ATM: variants seen among roughly 807,000 people sequenced by gnomAD.
ATM encodes the protein serine-protein kinase ATM.
ATM carries 308 observed loss-of-function variants against 387.0 expected under a neutral mutation model. That is an observed-to-expected ratio of 0.80 (90% CI 0.73 to 0.87). The LOEUF is 0.87. Among genes scored for constraint, ATM ranks in the 40% least tolerant of loss-of-function variants. ATM has a pLI of 0.00. For missense variants in ATM, 3,312 were observed against 3,560.9 expected (o/e 0.93, Z 1.78); for synonymous variants, 1,156 against 1,187.3 (o/e 0.97, Z 0.54).
At chr11:108,267,674 T>C (rs1002208992) in intron 17 of ATM, among the ~76,000 whole-genome samples, 5 of 152,002 alleles carry the variant, frequency 3.3e-5, no homozygotes, top group South Asian at 2.1e-4. Context: ...CTGGCTAACG[T>C]GGTGAAACCC....
At chr11:108,266,997 T>C (rs143531345) in intron 16 of ATM, among the ~76,000 whole-genome samples, 174 bp from the exon 17 acceptor site, 21 of 152,158 alleles carry the variant, frequency 1.4e-4, no homozygotes, top group African/African-American at 4.1e-4. Flanking sequence ...GGTTTCACCA[T>C]GTTGGCCAGG....
intron 26 of ATM, among the ~76,000 whole-genome samples, chr11:108,286,190 G>A (rs556676098): frequency 6.6e-6 from 1 of 151,956 alleles, no homozygotes; most frequent in East Asian, 1.9e-4. Context: ...GTGTGTGCCT[G>A]TAATCCCAGC....
At chr11:108,353,097 T>C (rs143991420) in intron 59 of ATM, among the ~76,000 whole-genome samples, 10 of 152,316 alleles carry the variant, frequency 6.6e-5, no homozygotes, top group Non-Finnish European at 1.0e-4. Context: ...GATGATCTTT[T>C]CTGTATGATT....
chr11:108,352,664 T>C (rs227040), intron 59 of ATM, among the ~76,000 whole-genome samples: 82,088 of 152,036 alleles, frequency 0.54, 22,696 homozygotes, highest in Middle Eastern at 0.75. Flanking sequence ...ATCCAGATGT[T>C]CTACAGTGGG....
rs756899044 is a variant in ATM, at chr11:108,353,831, G to T, written c.8737G>T (p.Asp2913Tyr). The T allele has an allele frequency of 1.1e-5, 17 of 1,614,094 alleles. No individual in the cohort carries two copies. The highest frequency in any genetic ancestry group is 1.4e-5 in the Non-Finnish European group (17 of 1,180,000). The change falls in exon 60 of 63, where the codon GAT (aspartate) becomes TAT (tyrosine). Residue 2913 changes from aspartate (D) to tyrosine (Y), a missense_variant. Asp to Tyr is a radical substitution (Grantham distance 160). Transcript: ENST00000675843. ...GACAGTTCCTTTTAGACTCACCAGA[G>T]ATATTGTGGATGGCATGGGCATTAC... ...PETVPFRLTR[D>Y]IVDGMGITGV...
chr11:108,301,832 A>G, intron 35 of ATM, 43 bp downstream of exon 35: 1 of 1,601,386 alleles, frequency 6.2e-7, no homozygotes, highest in Middle Eastern at 1.7e-4. Context: ...CAGCATATCT[A>G]AAACAGTTCT....
intron 31 of ATM, among the ~76,000 whole-genome samples, chr11:108,293,843 A>G (rs975855878): frequency 4.1e-5 from 6 of 145,914 alleles, no homozygotes; most frequent in African/African-American, 1.3e-4. Context: ...GCTCCACTGC[A>G]TTCCAGCCTG....
At chr11:108,293,762 C>A (rs1439387810) in intron 31 of ATM, among the ~76,000 whole-genome samples, 1 of 150,998 alleles carries the variant, frequency 6.6e-6, no homozygotes. Context: ...CTTGTAGAAT[C>A]AGCTACTCAG....
At chr11:108,301,509 G>A in intron 34 of ATM, 139 bp from the exon 35 acceptor site, 1 of 1,010,682 alleles carries the variant, frequency 9.9e-7, no homozygotes, top group Non-Finnish European at 1.5e-6. Flanking sequence ...ACTTTTATTT[G>A]ATATTGGAGA....
At position 108,345,879 on chromosome 11, in the gene ATM, A is replaced by C; in HGVS notation, c.8555A>C (p.Tyr2852Ser). The change falls in exon 58 of 63, where the codon TAT becomes TCT. Residue 2852 changes from tyrosine to serine, a missense_variant. Tyr to Ser is a moderately radical substitution (Grantham distance 144). This residue lies in a region of ATM where 1,405 missense variants were observed against 1,604.4 expected (regional missense o/e 0.88). Coordinates refer to ENST00000675843, the MANE Select transcript of ATM (RefSeq NM_000051.4). ...PAIWFEKRLA[Y>S]TRSVATSSIV... is the part of the protein sequence containing the mutation. ...ATTTGGTTTGAGAAGCGATTGGCTT[A>C]TACGCGCAGTGTAGCTACTTCTTCT... 6.2e-7 allele frequency: 1 copy of C among 1,613,854 alleles called. No individual in the cohort carries two copies. Among genetic ancestry groups the C allele is most frequent in the Non-Finnish European group, 8.5e-7 (1 of 1,179,820 alleles).
intron 21 of ATM, 57 bp downstream of exon 21, chr11:108,272,664 G>T: frequency 6.2e-7 from 1 of 1,612,730 alleles, no homozygotes; most frequent in Non-Finnish European, 8.5e-7. Context: ...AGCAGTCTTT[G>T]TTTGTTAATG....
chr11:108,273,282 G>A (rs2081713809), intron 22 of ATM, among the ~76,000 whole-genome samples: 1 of 149,040 alleles, frequency 6.7e-6, no homozygotes, highest in Non-Finnish European at 1.5e-5. Context: ...ATTCTATCAT[G>A]AGGATCTTTT....
chr11:108,248,834 T>C (rs2135286640), intron 8 of ATM, 99 bp from the exon 9 acceptor site: 1 of 998,976 alleles, frequency 1.0e-6, no homozygotes, highest in Non-Finnish European at 1.5e-6. Flanking sequence ...GTTGTGGTGA[T>C]ACGAGATCGT....
rs56399857 is a variant in ATM, at chr11:108,330,381, T to G, written c.7475T>G (p.Leu2492Arg). 1.6e-4 allele frequency: 259 copies of G among 1,614,206 alleles called. No homozygotes were observed. Among genetic ancestry groups the G allele is most frequent in the Non-Finnish European group, 2.1e-4 (251 of 1,180,022 alleles). ...GTATTCCGACTTTGTTCCCTCTGGC[T>G]TGAAAATTCTGGAGTTTCTGAAGTC... ...MWVFRLCSLW[L>R]ENSGVSEVNG... The change falls in exon 50 of 63, where the codon CTT (leucine) becomes CGT (arginine). Residue 2492 changes from leucine to arginine, a missense_variant. Leu to Arg is a moderately radical substitution (Grantham distance 102, BLOSUM62 -2). Coordinates refer to ENST00000675843, the MANE Select transcript of ATM (RefSeq NM_000051.4).
chr11:108,346,014 A>G, intron 58 of ATM, 106 bp downstream of exon 58: 1 of 1,337,468 alleles, frequency 7.5e-7, no homozygotes, highest in South Asian at 1.2e-5. Flanking sequence ...GGGGGATGAT[A>G]GTGATGATGT....
chr11:108,333,463 A>G (rs2086499064), intron 53 of ATM, among the ~76,000 whole-genome samples: 1 of 152,170 alleles, frequency 6.6e-6, no homozygotes, highest in Non-Finnish European at 1.5e-5. Context: ...TCATATCTTC[A>G]AGTTTAAATT....
intron 16 of ATM, among the ~76,000 whole-genome samples, chr11:108,260,899 G>A (rs1434662259): frequency 2.0e-5 from 3 of 152,160 alleles, no homozygotes; most frequent in African/African-American, 7.2e-5. Flanking sequence ...TGGAAAATCG[G>A]GTCACTCCCC....
In ATM at chr11:108,330,254, T is replaced by G. The variant is rs766586514; in HGVS notation, c.7348T>G (p.Leu2450Val). Residue 2450 changes from leucine (L) to valine (V), a missense_variant, in exon 50 of 63, where the codon TTA (leucine) becomes GTA (valine). Around this residue, in one of 4 missense-constraint regions of ATM, gnomAD observed 1,405 missense variants for 1,604.4 expected, o/e 0.88. Coordinates refer to ENST00000675843, the MANE Select transcript of ATM (RefSeq NM_000051.4). Reference sequence around the variant, plus strand: ...TCAGCGAGAGCTGGAGTTGGATGAATTAGCCCTGCGTGCACTGAAAGAGGA... The same window carrying G: ...TCAGCGAGAGCTGGAGTTGGATGAAGTAGCCCTGCGTGCACTGAAAGAGGA... ...KVQRELELDE[L>V]ALRALKEDRK... The G allele has an allele frequency of 1.2e-6, 2 of 1,614,222 alleles. No homozygotes were observed. The highest frequency in any genetic ancestry group is 2.2e-5 in the South Asian group (2 of 91,092).
chr11:108,259,210 C>A (rs1302500427), intron 16 of ATM, 135 bp downstream of exon 16: 5 of 819,150 alleles, frequency 6.1e-6, no homozygotes, highest in Non-Finnish European at 9.9e-6. Flanking sequence ...GAAATTAAGG[C>A]CAGGTGCGGT....
Sources: allele counts gnomAD v4.1 joint callset (sites outside exome capture counted in the v4.1 genomes callset), GRCh38; gene constraint gnomAD v4.1.1; regional missense constraint gnomAD v4.1.1; transcripts MANE v1.5; gene names NCBI Gene and HGNC (gene_info 2026-07-23, HGNC 2026-07-21).